ST7: variants seen among roughly 807,000 people sequenced by gnomAD.
The protein encoded by ST7 is suppressor of tumorigenicity 7 protein.
In ST7, 28 loss-of-function variants were observed where a neutral mutation model predicts 78.7. The ratio of observed to expected loss-of-function variants is 0.36; its 90% CI spans 0.26 to 0.49. The LOEUF is 0.49. Ranked by LOEUF, ST7 falls within the 20% of genes least tolerant of loss-of-function variation. The pLI is 0.99. For synonymous variants in ST7, 247 were observed against 249.6 expected (o/e 0.99, Z 0.10); for missense variants, 418 against 696.0 (o/e 0.60, Z 4.49).
intron 9 of ST7, among the ~76,000 whole-genome samples, chr7:117,160,457 G>T (rs921591466): frequency 7.2e-5 from 11 of 151,736 alleles, no homozygotes; most frequent in Non-Finnish European, 1.5e-4. Flanking sequence ...CTTTCCCTGG[G>T]TATCAACCCA....
chr7:117,065,728 T>C (rs992481241), intron 1 of ST7, among the ~76,000 whole-genome samples: 3 of 152,182 alleles, frequency 2.0e-5, no homozygotes, highest in African/African-American at 7.2e-5. Flanking sequence ...TGTACTATGC[T>C]CCTCACCTCT....
At chr7:117,036,285 A>G (rs1796892705) in intron 1 of ST7, among the ~76,000 whole-genome samples, 1 of 152,330 alleles carries the variant, frequency 6.6e-6, no homozygotes, top group East Asian at 1.9e-4. Flanking sequence ...TCTGCAGGCA[A>G]TCAGGTCACT....
At chr7:117,002,741 TAAC>T (rs1197851095) in intron 1 of ST7, among the ~76,000 whole-genome samples, 14 of 146,890 alleles carry the variant, frequency 9.5e-5, no homozygotes, top group South Asian at 2.1e-4. Context: ...AAATTAATAA[TAAC>T]AAAATCTGTT....
chr7:117,063,653 G>A (rs1023045231), intron 1 of ST7, among the ~76,000 whole-genome samples: 10 of 152,142 alleles, frequency 6.6e-5, no homozygotes, highest in African/African-American at 1.9e-4. Context: ...AGGCTGAAGT[G>A]AGCCGAGATT....
chr7:116,996,440 A>G (rs763578699), intron 1 of ST7, among the ~76,000 whole-genome samples: 5 of 152,206 alleles, frequency 3.3e-5, no homozygotes, highest in Admixed American at 1.3e-4. Context: ...ACTCTGGGAA[A>G]CACTGTCTAG....
chr7:117,016,098 C>T (rs1795602699), intron 1 of ST7, among the ~76,000 whole-genome samples: 3 of 152,258 alleles, frequency 2.0e-5, no homozygotes, highest in Admixed American at 6.5e-5. Context: ...GAAGATAAAA[C>T]ATTTTAAAGC....
chr7:117,161,835 A>G (rs1004082497), intron 9 of ST7, among the ~76,000 whole-genome samples: 2 of 151,884 alleles, frequency 1.3e-5, no homozygotes, highest in African/African-American at 2.4e-5. Flanking sequence ...CCTGACCTCA[A>G]ATTATCTGCC....
intron 1 of ST7, chr7:116,972,867 C>T: frequency 7.8e-7 from 1 of 1,274,200 alleles, no homozygotes. Flanking sequence ...GCTGCAGAAC[C>T]TGGATATTGC....
At chr7:116,988,159 G>T (rs1452844643) in intron 1 of ST7, among the ~76,000 whole-genome samples, 1 of 152,124 alleles carries the variant, frequency 6.6e-6, no homozygotes, top group Non-Finnish European at 1.5e-5. Flanking sequence ...AATCCAAACT[G>T]CTTGAAACAT....
At chr7:117,065,707 G>T (rs888281981) in intron 1 of ST7, among the ~76,000 whole-genome samples, 2 of 152,138 alleles carry the variant, frequency 1.3e-5, no homozygotes, top group African/African-American at 4.8e-5. Flanking sequence ...GCACAGCAGT[G>T]GCCTTCTGAC....
chr7:117,100,938 G>C (rs1451529035), intron 2 of ST7, among the ~76,000 whole-genome samples: 1 of 152,184 alleles, frequency 6.6e-6, no homozygotes, highest in Non-Finnish European at 1.5e-5. Context: ...GTTAAGAGAA[G>C]TGGATGATCA....
chr7:117,077,545 C>A (rs1370236673), intron 1 of ST7, among the ~76,000 whole-genome samples: 3 of 152,120 alleles, frequency 2.0e-5, no homozygotes, highest in African/African-American at 7.2e-5. Context: ...TGTCCTCAAA[C>A]CAGAGAAAGA....
intron 1 of ST7, among the ~76,000 whole-genome samples, chr7:117,055,486 A>T (rs1798015134): frequency 6.6e-6 from 1 of 151,926 alleles, no homozygotes; most frequent in Non-Finnish European, 1.5e-5. Context: ...TTATTCCCCA[A>T]CTTATACATG....
intron 1 of ST7, among the ~76,000 whole-genome samples, chr7:117,083,857 C>T (rs1464803622): frequency 6.6e-6 from 1 of 152,050 alleles, no homozygotes; most frequent in Non-Finnish European, 1.5e-5. Flanking sequence ...AGCACTAAGG[C>T]AAGCTGGTGG....
At chr7:116,964,754 G>C (rs1302649534) in intron 1 of ST7, among the ~76,000 whole-genome samples, 1 of 152,178 alleles carries the variant, frequency 6.6e-6, no homozygotes, top group African/African-American at 2.4e-5. Context: ...GATGAAGCAT[G>C]AGAAGCTAAA....
intron 1 of ST7, among the ~76,000 whole-genome samples, chr7:116,955,418 A>G (rs1358423826): frequency 1.3e-5 from 2 of 152,126 alleles, no homozygotes; most frequent in African/African-American, 2.4e-5. Context: ...TGGAAGGGTA[A>G]GAGAACATGA....
chr7:117,182,589 T>C (rs1808860758), intron 10 of ST7: 1 of 152,190 alleles, frequency 6.6e-6, no homozygotes, highest in Non-Finnish European at 1.5e-5. Context: ...CTGAAGTCTA[T>C]TTGAATAGAA....
At chr7:116,975,342 A>G (rs1001880425) in intron 1 of ST7, among the ~76,000 whole-genome samples, 1 of 152,208 alleles carries the variant, frequency 6.6e-6, no homozygotes, top group African/African-American at 2.4e-5. Context: ...TATGGGAGCT[A>G]CAATTAAAGA....
intron 1 of ST7, among the ~76,000 whole-genome samples, chr7:117,012,493 A>G (rs1795429055): frequency 6.6e-6 from 1 of 152,150 alleles, no homozygotes; most frequent in African/African-American, 2.4e-5. Flanking sequence ...TAAATAGGTT[A>G]ATACATGAAT....
Sources: allele counts gnomAD v4.1 joint callset (sites outside exome capture counted in the v4.1 genomes callset), GRCh38; gene constraint gnomAD v4.1.1; transcripts MANE v1.5; gene names NCBI Gene and HGNC (gene_info 2026-07-23, HGNC 2026-07-21).